Variants in ERBB4 observed in about 807,000 individuals in gnomAD.
The protein encoded by ERBB4 is receptor tyrosine-protein kinase erbB-4.
In ERBB4, 42 loss-of-function variants were observed where a neutral mutation model predicts 158.0. That is an observed-to-expected ratio of 0.27 (90% CI 0.21 to 0.34). The LOEUF is 0.34. ERBB4 is among the 10% of genes least tolerant of loss of function. ERBB4 has a pLI of 1.00. For missense variants in ERBB4, 1,333 were observed against 1,624.1 expected, an observed-to-expected ratio of 0.82 and a Z score of 3.08; for synonymous variants, 583 against 558.7, an observed-to-expected ratio of 1.04 and a Z score of -0.61.
chr2:211,477,866 G>T (rs1447190905), intron 20 of ERBB4, among the ~76,000 whole-genome samples: 3 of 152,108 alleles, frequency 2.0e-5, no homozygotes, highest in Admixed American at 6.6e-5. Context: ...ATAAGAATAT[G>T]ATACAATGAC....
intron 1 of ERBB4, among the ~76,000 whole-genome samples, chr2:212,170,410 T>C (rs1017688487): frequency 1.3e-5 from 2 of 152,156 alleles, no homozygotes; most frequent in African/African-American, 4.8e-5. Flanking sequence ...GATGATGCAA[T>C]AGAAAAGAGA....
chr2:212,254,616 G>A (rs1045211838), intron 1 of ERBB4, among the ~76,000 whole-genome samples: 6 of 152,036 alleles, frequency 3.9e-5, no homozygotes, highest in African/African-American at 1.4e-4. Context: ...CATTCCCCAC[G>A]AATCCGTAAT....
At chr2:212,437,717 G>A (rs1472600095) in intron 1 of ERBB4, among the ~76,000 whole-genome samples, 1 of 151,986 alleles carries the variant, frequency 6.6e-6, no homozygotes, top group African/African-American at 2.4e-5. Flanking sequence ...GTGACTTTCT[G>A]CCTTGCTCTT....
intron 18 of ERBB4, among the ~76,000 whole-genome samples, chr2:211,620,158 A>AT: frequency 6.6e-6 from 1 of 152,182 alleles, no homozygotes; most frequent in South Asian, 2.1e-4. Context: ...ACAAGAATAC[A>AT]TTTTAAAAGG....
intron 2 of ERBB4, among the ~76,000 whole-genome samples, chr2:212,053,217 C>A (rs908279499): frequency 6.6e-6 from 1 of 152,192 alleles, no homozygotes; most frequent in Non-Finnish European, 1.5e-5. Flanking sequence ...CATATCATTT[C>A]CCTCTTCAAA....
intron 1 of ERBB4, among the ~76,000 whole-genome samples, chr2:212,226,513 T>C (rs553361399): frequency 1.3e-5 from 2 of 152,284 alleles, no homozygotes; most frequent in South Asian, 2.1e-4. Flanking sequence ...TTCTGTTCTC[T>C]AGGAAAGAAA....
chr2:212,430,919 T>C (rs113173667), intron 1 of ERBB4, among the ~76,000 whole-genome samples: 1,710 of 152,092 alleles, frequency 0.011, 14 homozygotes, highest in Middle Eastern at 0.037. Context: ...ATTGAGATTG[T>C]GGTGCTGAGT....
At chr2:211,677,598 G>C (rs2072130847) in intron 13 of ERBB4, among the ~76,000 whole-genome samples, 1 of 151,536 alleles carries the variant, frequency 6.6e-6, no homozygotes, top group African/African-American at 2.4e-5. Context: ...AAAGAGGCCA[G>C]GCGCAGTGGC....
At chr2:212,072,043 G>A (rs1038402652) in intron 2 of ERBB4, among the ~76,000 whole-genome samples, 5 of 151,942 alleles carry the variant, frequency 3.3e-5, no homozygotes, top group Non-Finnish European at 7.4e-5. Context: ...AGTCGTACAG[G>A]TAGCAAAAAG....
At position 211,586,512 on chromosome 2, in the gene ERBB4, T is replaced by A. The variant is rs184700624; in HGVS notation, c.2302-24424A>T. On this transcript the variant is annotated intron_variant, in intron 19 of 27. Coordinates refer to ENST00000342788, the MANE Select transcript of ERBB4 (RefSeq NM_005235.3). ...TGTTTTCGGTTCCTGCCATATCTTG[T>A]AGTGGGAAACCCTTTTCTTTTCTTG... is the stretch of plus-strand genomic sequence containing the variant. 1.4e-4 allele frequency among the ~76,000 whole-genome samples: 21 copies of A among 152,332 alleles called. No individual in the cohort carries two copies. The East Asian group carries it at 4.1e-3, about 29-fold the overall frequency.
chr2:212,115,269 C>T (rs1299355791), intron 2 of ERBB4, among the ~76,000 whole-genome samples: 2 of 151,544 alleles, frequency 1.3e-5, no homozygotes, highest in African/African-American at 4.9e-5. Context: ...CTCTATGTGA[C>T]CAACGAGAGA....
chr2:212,441,565 A>T (rs1457395443), intron 1 of ERBB4, among the ~76,000 whole-genome samples: 1 of 152,234 alleles, frequency 6.6e-6, no homozygotes, highest in Non-Finnish European at 1.5e-5. Flanking sequence ...CCTGGAGAAC[A>T]GGCATAGAAA....
At chr2:212,141,508 T>C (rs1034204082) in intron 1 of ERBB4, among the ~76,000 whole-genome samples, 7 of 151,840 alleles carry the variant, frequency 4.6e-5, no homozygotes, top group Non-Finnish European at 8.8e-5. Flanking sequence ...CAGTACTATT[T>C]TTAAGATAGA....
At chr2:211,661,357 C>G (rs1485730912) in intron 15 of ERBB4, among the ~76,000 whole-genome samples, 1 of 151,934 alleles carries the variant, frequency 6.6e-6, no homozygotes, top group Admixed American at 6.6e-5. Flanking sequence ...GAGCCAAAAT[C>G]ACAAATAAAT....
chr2:212,204,816 C>CTTT (rs369446940), intron 1 of ERBB4, among the ~76,000 whole-genome samples: 28 of 122,176 alleles, frequency 2.3e-4, no homozygotes, highest in East Asian at 4.8e-4. Context: ...TATATGAAAA[C>CTTT]TTTTTTTTTT....
intron 1 of ERBB4, among the ~76,000 whole-genome samples, chr2:212,203,140 C>A (rs560987486): frequency 9.6e-4 from 146 of 152,004 alleles, no homozygotes; most frequent in African/African-American, 3.1e-3. Context: ...GGACATTGTA[C>A]ATATATGTTA....
chr2:211,537,805 A>G (rs180872180), intron 20 of ERBB4, among the ~76,000 whole-genome samples: 4 of 152,072 alleles, frequency 2.6e-5, no homozygotes. Context: ...TCAAGATTGA[A>G]GTTTATTTCT....
chr2:212,355,797 T>C (rs1049663879), intron 1 of ERBB4, among the ~76,000 whole-genome samples: 2 of 151,974 alleles, frequency 1.3e-5, no homozygotes, highest in Non-Finnish European at 2.9e-5. Flanking sequence ...TGCATGTATG[T>C]ATATATGTGT....
chr2:212,406,040 C>A (rs372066143), intron 1 of ERBB4, among the ~76,000 whole-genome samples: 2 of 152,078 alleles, frequency 1.3e-5, no homozygotes, highest in African/African-American at 2.4e-5. Context: ...ACAGTGTGAA[C>A]TAATAAACCT....
Sources: gnomAD v4.1 joint callset for allele counts (sites outside exome capture counted in the v4.1 genomes callset) on GRCh38, gnomAD v4.1.1 for gene constraint, MANE v1.5 for transcripts, NCBI Gene and HGNC (gene_info 2026-07-23, HGNC 2026-07-21) for gene names.